The following MED13L variants were observed in gnomAD, a reference collection of about 807,000 sequenced individuals.
MED13L encodes mediator of RNA polymerase II transcription subunit 13-like.
MED13L carries 7 observed loss-of-function variants against 220.9 expected under a neutral mutation model. The observed-to-expected ratio is 0.03, with a 90% CI of 0.02 to 0.06. The LOEUF is 0.06. Ranked by LOEUF, MED13L falls within the 10% of genes least tolerant of loss-of-function variation. MED13L has a pLI of 1.00. For missense variants in MED13L, 1,965 were observed against 2,760.5 expected, an observed-to-expected ratio of 0.71 and a Z score of 6.46; for synonymous variants, 1,011 against 1,015.2, an observed-to-expected ratio of 1.00 and a Z score of 0.08.
chr12:116,217,975 T>A (rs1883100857), intron 2 of MED13L, among the ~76,000 whole-genome samples: 1 of 152,228 alleles, frequency 6.6e-6, no homozygotes, highest in African/African-American at 2.4e-5. Flanking sequence ...TAACTAACCA[T>A]GTCTTTCCCA....
intron 2 of MED13L, among the ~76,000 whole-genome samples, chr12:116,168,009 A>G (rs1879405381): frequency 6.6e-6 from 1 of 152,146 alleles, no homozygotes; most frequent in South Asian, 2.1e-4. Flanking sequence ...TCATTTTAAC[A>G]CTTTATAGTG....
At chr12:116,002,979 G>T (rs748912398) in intron 14 of MED13L, 24 bp downstream of exon 14, 3 of 1,566,350 alleles carry the variant, frequency 1.9e-6, no homozygotes, top group South Asian at 2.2e-5. Context: ...AGCCACAATG[G>T]CTCAGTCAAG....
chr12:116,019,720 T>C lies in MED13L; in HGVS notation c.820+58A>G. ...TCTGAAGAATCTAAATGATTATCTT[T>C]TTAAATTAAGGAAGAGGAAGAAGAA... On this transcript the variant is annotated intron_variant, in intron 6 of 30. Transcript: ENST00000281928. 31 of 1,537,646 alleles carry C rather than the reference T, an allele frequency of 2.0e-5. No individual in the cohort carries two copies. In the South Asian group the frequency reaches 3.4e-4, roughly 17 times the overall value.
chr12:116,218,181 C>G (rs1883113139), intron 2 of MED13L, among the ~76,000 whole-genome samples: 1 of 152,108 alleles, frequency 6.6e-6, no homozygotes, highest in Non-Finnish European at 1.5e-5. Flanking sequence ...CAGAGGCATT[C>G]AATGATCAAG....
At chr12:116,024,562 T>C (rs1448605281) in intron 4 of MED13L, among the ~76,000 whole-genome samples, 2 of 152,156 alleles carry the variant, frequency 1.3e-5, no homozygotes, top group Admixed American at 1.3e-4. Flanking sequence ...AAATATTTTC[T>C]CCTATTCTGT....
intron 10 of MED13L, 42 bp downstream of exon 10, chr12:116,008,359 C>G (rs760791152): frequency 1.3e-6 from 2 of 1,570,760 alleles, no homozygotes; most frequent in South Asian, 2.4e-5. Flanking sequence ...GGAGCCCATG[C>G]CCTTCCGGTG....
intron 1 of MED13L, among the ~76,000 whole-genome samples, chr12:116,258,683 G>A (rs1484669492): frequency 4.0e-5 from 6 of 151,322 alleles, no homozygotes; most frequent in Admixed American, 2.6e-4. Context: ...AGGCTGAGGC[G>A]GGAGAATCAC....
At chr12:115,973,823 C>A (rs1876752125) in intron 25 of MED13L, among the ~76,000 whole-genome samples, 1 of 152,128 alleles carries the variant, frequency 6.6e-6, no homozygotes, top group African/African-American at 2.4e-5. Context: ...TACAGTACAA[C>A]TTATTACTTA....
chr12:116,154,209 A>G (rs1878265958), intron 2 of MED13L, among the ~76,000 whole-genome samples: 1 of 152,204 alleles, frequency 6.6e-6, no homozygotes, highest in Admixed American at 6.5e-5. Context: ...GTGGTTTGCC[A>G]AAACAAAGTC....
At chr12:116,084,263 C>G (rs887019361) in intron 4 of MED13L, among the ~76,000 whole-genome samples, 4 of 152,138 alleles carry the variant, frequency 2.6e-5, no homozygotes, top group African/African-American at 9.7e-5. Flanking sequence ...CCTTTTTGAA[C>G]CTACAAAACA....
At chr12:116,143,710 G>A (rs1877268719) in intron 2 of MED13L, among the ~76,000 whole-genome samples, 1 of 152,104 alleles carries the variant, frequency 6.6e-6, no homozygotes. Context: ...CTTGCTACAT[G>A]TCACTATGAA....
At chr12:116,152,834 T>C (rs992162004) in intron 2 of MED13L, among the ~76,000 whole-genome samples, 2 of 152,076 alleles carry the variant, frequency 1.3e-5, no homozygotes, top group Non-Finnish European at 2.9e-5. Context: ...GTAAATATTA[T>C]AAAATATTAA....
chr12:116,076,446 A>C (rs542715611), intron 4 of MED13L, among the ~76,000 whole-genome samples: 28 of 152,292 alleles, frequency 1.8e-4, no homozygotes, highest in Admixed American at 1.6e-3. Context: ...CTGAGGGAGG[A>C]GGACTGCTTG....
intron 1 of MED13L, among the ~76,000 whole-genome samples, chr12:116,269,843 T>C (rs1873140529): frequency 1.3e-5 from 2 of 152,094 alleles, no homozygotes; most frequent in Admixed American, 6.5e-5. Context: ...CTGAGAAATA[T>C]ACATAGTAAA....
At chr12:116,210,551 C>CTATATATATATATATATATATATATAGA (rs1882627624) in intron 2 of MED13L, among the ~76,000 whole-genome samples, 1 of 113,666 alleles carries the variant, frequency 8.8e-6, no homozygotes, top group Non-Finnish European at 1.8e-5. Flanking sequence ...AGAACGTAAC[C>CTATATATATATATATATATATATATAGA]TATATATATA....
In MED13L at chr12:115,985,161, TA is replaced by T. The variant is rs775168126; in HGVS notation, c.4339-790del. Reference sequence around the variant, plus strand: ...AAAAGAGTGTCTGTCTGTACCCTCTTAAAAAGATCTGGCAGTGCTTTTTACA... The same window carrying T: ...AAAAGAGTGTCTGTCTGTACCCTCTTAAAAGATCTGGCAGTGCTTTTTACA... On this transcript the variant is annotated intron_variant, in intron 19 of 30. Coordinates refer to ENST00000281928, the MANE Select transcript of MED13L (RefSeq NM_015335.5). Among the ~76,000 whole-genome samples, 211 of 152,298 alleles carry T rather than the reference TA, an allele frequency of 1.4e-3. 2 individuals are homozygous for T. Among genetic ancestry groups the T allele is most frequent in the Non-Finnish European group, 1.9e-3 (127 of 68,026 alleles).
At chr12:116,265,946 G>A (rs1275140063) in intron 1 of MED13L, among the ~76,000 whole-genome samples, 1 of 152,032 alleles carries the variant, frequency 6.6e-6, no homozygotes, top group Non-Finnish European at 1.5e-5. Flanking sequence ...GGTTTCTCTG[G>A]CTACAAAGTA....
intron 4 of MED13L, among the ~76,000 whole-genome samples, chr12:116,060,843 T>A (rs1869413654): frequency 6.6e-6 from 1 of 152,060 alleles, no homozygotes; most frequent in Non-Finnish European, 1.5e-5. Flanking sequence ...GAGCTTTGAC[T>A]TTTGCTAAAT....
At chr12:116,008,227 C>T (rs1233815884) in intron 10 of MED13L, 174 bp downstream of exon 10, 15 of 877,438 alleles carry the variant, frequency 1.7e-5, no homozygotes, top group Non-Finnish European at 2.5e-5. Context: ...GACATGTGTG[C>T]TAACCTATAA....
Sources: gnomAD v4.1 joint callset for allele counts (sites outside exome capture counted in the v4.1 genomes callset) on GRCh38, gnomAD v4.1.1 for gene constraint, MANE v1.5 for transcripts, NCBI Gene and HGNC (gene_info 2026-07-23, HGNC 2026-07-21) for gene names.